The following ELAPOR2 variants were observed in gnomAD, a reference collection of about 807,000 sequenced individuals.
The protein encoded by ELAPOR2 is endosome-lysosome associated apoptosis and autophagy regulator family member 2.
Under a neutral mutation model 120.7 loss-of-function variants are expected in ELAPOR2, and 89 were observed. That is an observed-to-expected ratio of 0.74 (90% CI 0.62 to 0.88). The LOEUF is 0.88. Among genes scored for constraint, ELAPOR2 ranks in the 40% least tolerant of loss-of-function variants. The probability of loss-of-function intolerance (pLI) is 0.00; values close to 1 mark genes in which losing one functional copy is unlikely to be tolerated. For missense variants in ELAPOR2, 1,134 were observed against 1,251.6 expected, an observed-to-expected ratio of 0.91 and a Z score of 1.42; for synonymous variants, 444 against 444.9, an observed-to-expected ratio of 1.00 and a Z score of 0.03.
intron 13 of ELAPOR2, among the ~76,000 whole-genome samples, chr7:86,913,479 T>A (rs1405852923): frequency 6.6e-6 from 1 of 152,218 alleles, no homozygotes; most frequent in African/African-American, 2.4e-5. Context: ...AGGATGCAAT[T>A]ATAGACCTCA....
chr7:86,992,449 T>C (rs1193191879), intron 1 of ELAPOR2, among the ~76,000 whole-genome samples: 2 of 152,146 alleles, frequency 1.3e-5, no homozygotes, highest in Non-Finnish European at 2.9e-5. Flanking sequence ...AAATAGCTCC[T>C]AATAAATTTC....
Position 86,878,005 on chromosome 7 carries a change from T to C in ELAPOR2, c.*2466A>G, listed in dbSNP as rs3761812. The C allele has an allele frequency of 6.6e-6, 1 of 152,190 alleles. No homozygotes were observed. The highest frequency in any genetic ancestry group is 1.5e-5 in the Non-Finnish European group (1 of 68,028). 9.4% of individuals were successfully genotyped at this position (152,190 alleles called of 1,614,324 possible). Reference sequence around the variant, plus strand: ...TCATCCATTGGAAAATTGATTTAAATACGTTTTGACGAGTGCTAAGAGATG... The same window carrying C: ...TCATCCATTGGAAAATTGATTTAAACACGTTTTGACGAGTGCTAAGAGATG... On this transcript the variant is annotated 3_prime_UTR_variant, in exon 22 of 22. Coordinates refer to ENST00000450689, the MANE Select transcript of ELAPOR2 (RefSeq NM_001142749.3).
chr7:86,938,710 C>A, intron 7 of ELAPOR2, 98 bp downstream of exon 7: 1 of 1,256,004 alleles, frequency 8.0e-7, no homozygotes, highest in Non-Finnish European at 1.1e-6. Flanking sequence ...TTTCAGGCAC[C>A]ACTGCTGTCA....
intron 1 of ELAPOR2, among the ~76,000 whole-genome samples, chr7:86,980,964 T>C (rs1792454690): frequency 1.3e-5 from 2 of 152,132 alleles, no homozygotes; most frequent in African/African-American, 2.4e-5. Context: ...GAGGCTGACC[T>C]TTCTGGACTG....
chr7:86,933,501 G>C (rs192797545), intron 8 of ELAPOR2, among the ~76,000 whole-genome samples: 1 of 151,808 alleles, frequency 6.6e-6, no homozygotes, highest in South Asian at 2.1e-4. Context: ...CTCAGGTTTC[G>C]TTATAATCTC....
intron 6 of ELAPOR2, among the ~76,000 whole-genome samples, chr7:86,939,488 A>G (rs1280282420): frequency 6.6e-6 from 1 of 152,130 alleles, no homozygotes; most frequent in Non-Finnish European, 1.5e-5. Flanking sequence ...ATAAAGGAGA[A>G]TCACTGCTTT....
At chr7:86,896,452 G>A (rs1287736443) in intron 19 of ELAPOR2, among the ~76,000 whole-genome samples, 2 of 152,030 alleles carry the variant, frequency 1.3e-5, no homozygotes, top group Non-Finnish European at 2.9e-5. Context: ...GCATGGGATT[G>A]GGCGCAAGCA....
intron 1 of ELAPOR2, among the ~76,000 whole-genome samples, chr7:86,980,795 T>G (rs1286498965): frequency 6.6e-6 from 1 of 152,162 alleles, no homozygotes; most frequent in Non-Finnish European, 1.5e-5. Flanking sequence ...GCCTCTTTCT[T>G]GCTTTGGTAA....
chr7:86,924,500 A>G (rs1480721736), intron 10 of ELAPOR2, among the ~76,000 whole-genome samples: 1 of 151,646 alleles, frequency 6.6e-6, no homozygotes, highest in Non-Finnish European at 1.5e-5. Flanking sequence ...TTAAAATTCA[A>G]TTATAGGACA....
chr7:87,042,305 T>C (rs888993509), intron 1 of ELAPOR2, among the ~76,000 whole-genome samples: 10 of 149,706 alleles, frequency 6.7e-5, no homozygotes, highest in African/African-American at 2.2e-4. Flanking sequence ...CAACAGAATA[T>C]ACATTTTTTT....
intron 1 of ELAPOR2, among the ~76,000 whole-genome samples, chr7:87,033,832 TATATA>T (rs1182944540): frequency 2.0e-5 from 3 of 152,016 alleles, no homozygotes; most frequent in Non-Finnish European, 4.4e-5. Flanking sequence ...AATGTGCATA[TATATA>T]ATATAGCACA....
At chr7:86,887,480 T>C (rs1465231207) in intron 21 of ELAPOR2, among the ~76,000 whole-genome samples, 1 of 152,096 alleles carries the variant, frequency 6.6e-6, no homozygotes, top group Non-Finnish European at 1.5e-5. Flanking sequence ...TTACAACTGT[T>C]CAGGGTATGG....
At position 86,918,392 on chromosome 7, in the gene ELAPOR2, G is replaced by C. The variant is rs749687252; in HGVS notation, c.1593+50C>G. The C allele has an allele frequency of 5.8e-5, 55 of 942,422 alleles. No homozygotes were observed. The South Asian group carries it at 8.7e-4, about 15-fold the overall frequency. The allele number at this position is 942,422 out of a possible 1,614,324, so 58.4% of individuals were successfully genotyped here. On this transcript the variant is annotated intron_variant, in intron 12 of 21. Coordinates refer to ENST00000450689, the MANE Select transcript of ELAPOR2 (RefSeq NM_001142749.3). ...GCCACAAATAAATTTACACTTGAAG[G>C]AGAATGCTAAGCTTAGAAATCTGCC...
chr7:87,041,381 T>C (rs932218252), intron 1 of ELAPOR2, among the ~76,000 whole-genome samples: 1 of 152,038 alleles, frequency 6.6e-6, no homozygotes, highest in African/African-American at 2.4e-5. Context: ...TGGTTACCCT[T>C]AAAGGGAAGC....
At chr7:87,006,609 T>G (rs970968090) in intron 1 of ELAPOR2, among the ~76,000 whole-genome samples, 1 of 152,180 alleles carries the variant, frequency 6.6e-6, no homozygotes, top group African/African-American at 2.4e-5. Context: ...ATCTTGCAGA[T>G]AGGAATGAAA....
chr7:86,967,120 G>A (rs983118831), intron 1 of ELAPOR2, among the ~76,000 whole-genome samples: 1 of 152,056 alleles, frequency 6.6e-6, no homozygotes, highest in Non-Finnish European at 1.5e-5. Context: ...CCATGTATTT[G>A]CATAATTGCT....
At chr7:86,905,156 GAA>G (rs1345574247) in intron 18 of ELAPOR2, among the ~76,000 whole-genome samples, 1 of 148,892 alleles carries the variant, frequency 6.7e-6, no homozygotes, top group East Asian at 2.0e-4. Flanking sequence ...AAAGAAGAGA[GAA>G]AGAGAGAAAG....
At chr7:86,969,831 T>C (rs1389905615) in intron 1 of ELAPOR2, among the ~76,000 whole-genome samples, 1 of 152,198 alleles carries the variant, frequency 6.6e-6, no homozygotes, top group Non-Finnish European at 1.5e-5. Flanking sequence ...CCTATTTTAT[T>C]ATGATTTCAA....
chr7:86,987,879 T>C (rs1460277392), intron 1 of ELAPOR2, among the ~76,000 whole-genome samples: 1 of 152,186 alleles, frequency 6.6e-6, no homozygotes, highest in Admixed American at 6.5e-5. Context: ...ATCATGCTAC[T>C]ATAAAGATAT....
Sources: allele counts gnomAD v4.1 joint callset (sites outside exome capture counted in the v4.1 genomes callset), GRCh38; gene constraint gnomAD v4.1.1; transcripts MANE v1.5; gene names NCBI Gene and HGNC (gene_info 2026-07-23, HGNC 2026-07-21).